PIGV: variants seen among roughly 807,000 people sequenced by gnomAD.
PIGV encodes the protein GPI alpha-1,6-mannosyltransferase 2.
A neutral mutation model predicts 39.2 loss-of-function variants in PIGV; 27 were observed. The ratio of observed to expected loss-of-function variants is 0.69; its 90% CI spans 0.51 to 0.95. The LOEUF (loss-of-function observed/expected upper bound fraction) is 0.95, where lower values mean the gene tolerates loss of function less well. Ranked by LOEUF, PIGV falls within the 40% of genes least tolerant of loss-of-function variation. PIGV has a pLI of 0.00. For synonymous variants in PIGV, 232 were observed against 241.7 expected (o/e 0.96, Z 0.37); for missense variants, 523 against 586.4 (o/e 0.89, Z 1.12).
Position 26,795,120 on chromosome 1 carries a change from G to A in PIGV, c.1086G>A (p.Lys362=). 1.2e-6 allele frequency: 2 copies of A among 1,614,124 alleles called. No individual in the cohort carries two copies. Among genetic ancestry groups the A allele is most frequent in the South Asian group, 2.2e-5 (2 of 91,082 alleles). Reference sequence around the variant, plus strand: ...TTACACTTGGGCTGCAAAGGAGCAAGAACAATAAGACCCTAGAGAAGCCCG... The same window carrying A: ...TTACACTTGGGCTGCAAAGGAGCAAAAACAATAAGACCCTAGAGAAGCCCG... ...LCLTLGLQRS[K]NNKTLEKPDL... Residue 362 remains lysine (K), a synonymous_variant, in exon 3 of 4, where the codon AAG becomes AAA. Transcript: ENST00000674202.
chr1:26,794,243 A>G lies in PIGV; in HGVS notation c.209A>G (p.His70Arg). ...GGCCTGTCTCACTGGGATGCTGAAC[A>G]CTTCTTGTTCATTGCTGAGCATGGC... Reference protein sequence around the residue: ...LGGLSHWDAEHFLFIAEHGYL... With the variant: ...LGGLSHWDAERFLFIAEHGYL... The change falls in exon 3 of 4, where the codon CAC becomes CGC. Residue 70 changes from histidine to arginine, a missense_variant. His to Arg is a conservative substitution (Grantham distance 29). Coordinates refer to ENST00000674202, the MANE Select transcript of PIGV (RefSeq NM_017837.4). 2 of 1,614,138 alleles carry G rather than the reference A, an allele frequency of 1.2e-6. No homozygotes were observed. The highest frequency in any genetic ancestry group is 1.7e-6 in the Non-Finnish European group (2 of 1,180,038).
chr1:26,797,475 C>A, intron 3 of PIGV, 88 bp from the exon 4 acceptor site: 1 of 1,010,550 alleles, frequency 9.9e-7, no homozygotes, highest in Non-Finnish European at 1.6e-6. Context: ...CATAGTTCAC[C>A]CAGCAGTAGA....
rs1018358707 is a variant in PIGV at position 26,799,199 on chromosome 1, G to A, written c.*1355G>A. Among the ~76,000 whole-genome samples the A allele has an allele frequency of 3.9e-5, 6 of 152,158 alleles. No individual in the cohort carries two copies. The highest frequency in any genetic ancestry group is 1.4e-4 in the African/African-American group (6 of 41,432). On this transcript the variant is annotated 3_prime_UTR_variant, in exon 4 of 4. Transcript: ENST00000674202. ...AAAGCAGTAACATCTGGCAGATAAG[G>A]TGCCTGTTGTGCCGTTCTCAGATGC...
chr1:26,790,958 T>C, intron 2 of PIGV, 65 bp downstream of exon 2: 1 of 1,307,476 alleles, frequency 7.6e-7, no homozygotes. Flanking sequence ...CAGTAAGAAG[T>C]GTCCCCATCT....
In PIGV at chr1:26,794,182, G is replaced by T. The variant is rs756855102; in HGVS notation, c.148G>T (p.Gly50Cys). The part of the protein sequence containing the change: ...AFSPPRLAPS[G>C]FVDQLVEGLL... ...CTCTCCTCCTCGCCTGGCCCCCTCA[G>T]GCTTTGTGGACCAACTCGTGGAAGG... is the stretch of plus-strand genomic sequence containing the variant. Residue 50 changes from glycine to cysteine, a missense_variant, in exon 3 of 4, where the codon GGC (glycine) becomes TGC (cysteine). Gly to Cys is a radical substitution (Grantham distance 159). Coordinates refer to ENST00000674202, the MANE Select transcript of PIGV (RefSeq NM_017837.4). The T allele has an allele frequency of 6.2e-7, 1 of 1,614,198 alleles. No homozygotes were observed. The highest frequency in any genetic ancestry group is 1.1e-5 in the South Asian group (1 of 91,088).
intron 1 of PIGV, among the ~76,000 whole-genome samples, chr1:26,790,300 A>G (rs2081293375): frequency 6.6e-6 from 1 of 152,198 alleles, no homozygotes; most frequent in Non-Finnish European, 1.5e-5. Flanking sequence ...GCCAAATAAT[A>G]GCAACCACAA....
chr1:26,796,917 A>G (rs1428143331), intron 3 of PIGV, among the ~76,000 whole-genome samples: 1 of 152,212 alleles, frequency 6.6e-6, no homozygotes, highest in African/African-American at 2.4e-5. Flanking sequence ...CCCTGGGGAC[A>G]TCTTTTTTCC....
chr1:26,788,541 A>G (rs1252176928), intron 1 of PIGV: 2 of 152,360 alleles, frequency 1.3e-5, no homozygotes, highest in African/African-American at 4.8e-5. Flanking sequence ...GCATGGAAGT[A>G]CTGGGCTAGG....
chr1:26,792,258 T>G (rs1345355841), intron 2 of PIGV, among the ~76,000 whole-genome samples: 2 of 151,872 alleles, frequency 1.3e-5, no homozygotes, highest in African/African-American at 4.8e-5. Context: ...GTTTAAATGA[T>G]TCTCCCTCCT....
At chr1:26,788,669 G>T (rs1476155429) in intron 1 of PIGV, 7 of 152,186 alleles carry the variant, frequency 4.6e-5, no homozygotes, top group African/African-American at 1.7e-4. Flanking sequence ...TCTTTAAGTA[G>T]CCCTGGGTAC....
chr1:26,791,876 G>A (rs1164964152), intron 2 of PIGV, among the ~76,000 whole-genome samples: 2 of 152,218 alleles, frequency 1.3e-5, no homozygotes, highest in Non-Finnish European at 2.9e-5. Context: ...TGCCAGGCTA[G>A]GGAGACTTAC....
chr1:26,792,806 A>G (rs896850679), intron 2 of PIGV, among the ~76,000 whole-genome samples: 8 of 152,196 alleles, frequency 5.3e-5, no homozygotes, highest in Middle Eastern at 3.4e-3. Context: ...CACTACTTCT[A>G]TTGATTTCCT....
chr1:26,796,113 T>C (rs1323894741), intron 3 of PIGV, among the ~76,000 whole-genome samples: 1 of 150,760 alleles, frequency 6.6e-6, no homozygotes, highest in Non-Finnish European at 1.5e-5. Flanking sequence ...GCCCGCCTCA[T>C]CCTCCTAAAG....
Position 26,797,584 on chromosome 1 carries a change from T to C in PIGV, c.1222T>C (p.Ser408Pro). The change falls in exon 4 of 4, where the codon TCC (serine) becomes CCC (proline). Residue 408 changes from serine to proline, a missense_variant. Coordinates refer to ENST00000674202, the MANE Select transcript of PIGV (RefSeq NM_017837.4). ...CTAGGTTCTCACCAGGTTTTTGGGC[T>C]CCTCCACTCCTATTATGTACTGGTT... ...HVQVLTRFLGSSTPIMYWFPA... is the reference protein window; with the variant it reads ...HVQVLTRFLGPSTPIMYWFPA... 6.2e-7 allele frequency: 1 copy of C among 1,614,154 alleles called. No individual in the cohort carries two copies. Among genetic ancestry groups the C allele is most frequent in the South Asian group, 1.1e-5 (1 of 91,078 alleles).
intron 2 of PIGV, among the ~76,000 whole-genome samples, chr1:26,793,347 T>G (rs1158995694): frequency 6.6e-6 from 1 of 152,170 alleles, no homozygotes; most frequent in Non-Finnish European, 1.5e-5. Context: ...TCTCTTCCAC[T>G]CCATTGAAAT....
intron 2 of PIGV, 42 bp downstream of exon 2, chr1:26,790,935 TGACTG>T (rs1327214066): frequency 6.7e-7 from 1 of 1,501,422 alleles, no homozygotes; most frequent in African/African-American, 1.4e-5. Flanking sequence ...TATTGCTACA[TGACTG>T]GACTAGGCAG....
In PIGV at chr1:26,799,612, C is replaced by A. The variant is rs2081428807; in HGVS notation, c.*1768C>A. On this transcript the variant is annotated 3_prime_UTR_variant, in exon 4 of 4. Transcript: ENST00000674202. ...TCAACTTGCCAGCTGAAGGGAAGCT[C>A]CTGGCTGAGCCCCAGCACCCTCTGT... 6.6e-6 allele frequency among the ~76,000 whole-genome samples: 1 copy of A among 152,202 alleles called. No homozygotes were observed. Among genetic ancestry groups the A allele is most frequent in the South Asian group, 2.1e-4 (1 of 4,832 alleles).
chr1:26,790,954 G>A lies in PIGV; in HGVS notation c.78+61G>A, dbSNP rs1173918092. On this transcript the variant is annotated intron_variant, in intron 2 of 3. Transcript: ENST00000674202. ...GCTACATGACTGGACTAGGCAGTAA[G>A]AAGTGTCCCCATCTCCTTTCCACCT... 5.9e-6 allele frequency: 8 copies of A among 1,365,620 alleles called. No individual in the cohort carries two copies. In the South Asian group the frequency reaches 8.2e-5, roughly 14 times the overall value. 84.6% of individuals were successfully genotyped at this position (1,365,620 alleles called of 1,614,324 possible). A position where few individuals can be genotyped will look rare whatever the true frequency, so the allele number is the denominator to read the frequency against.
At position 26,797,690 on chromosome 1, in the gene PIGV, C is replaced by T. The variant is rs760482425; in HGVS notation, c.1328C>T (p.Ser443Phe). 1.2e-6 allele frequency: 2 copies of T among 1,614,156 alleles called. No individual in the cohort carries two copies. Among genetic ancestry groups the T allele is most frequent in the Admixed American group, 3.3e-5 (2 of 60,030 alleles). ...CCTTGGAAGCCTCTTGCAGAGGACT[C>T]CCCACCAGGACAAAAGGTCCCCAGA... ...TVPWKPLAED[S>F]PPGQKVPRNP... Residue 443 changes from serine to phenylalanine, a missense_variant, in exon 4 of 4, where the codon TCC becomes TTC. By Grantham distance (155) the Ser-to-Phe change is radical. Coordinates refer to ENST00000674202, the MANE Select transcript of PIGV (RefSeq NM_017837.4).
Sources: gnomAD v4.1 joint callset for allele counts (sites outside exome capture counted in the v4.1 genomes callset) on GRCh38, gnomAD v4.1.1 for gene constraint, MANE v1.5 for transcripts, NCBI Gene and HGNC (gene_info 2026-07-23, HGNC 2026-07-21) for gene names.